The following TNFSF4 variants were observed in gnomAD, a reference collection of about 807,000 sequenced individuals.
TNFSF4 encodes tumor necrosis factor ligand superfamily member 4.
TNFSF4 carries 4 observed loss-of-function variants against 7.3 expected under a neutral mutation model. That is an observed-to-expected ratio of 0.55 (90% confidence interval 0.27 to 1.25). The LOEUF (loss-of-function observed/expected upper bound fraction) is 1.25. Among genes scored for constraint, TNFSF4 ranks in the 50% most tolerant of loss-of-function variants. The probability of loss-of-function intolerance (pLI) is 0.12; values close to 1 mark genes in which losing one functional copy is unlikely to be tolerated. For missense variants in TNFSF4, 181 were observed against 208.8 expected, an observed-to-expected ratio of 0.87 and a Z score of 0.82; for synonymous variants, 76 against 83.7, an observed-to-expected ratio of 0.91 and a Z score of 0.50.
the TNFSF4 span, among the ~76,000 whole-genome samples, chr1:173,220,102 G>C: frequency 4.6e-5 from 7 of 151,942 alleles, no homozygotes; most frequent in Admixed American, 2.6e-4. Context: ...CCAAAACAAA[G>C]GGATTTTATT....
the TNFSF4 span, among the ~76,000 whole-genome samples, chr1:173,389,206 G>T: frequency 1.8e-4 from 28 of 152,112 alleles, no homozygotes; most frequent in African/African-American, 6.8e-4. Flanking sequence ...TTACCTTCCA[G>T]ATATCACTGA....
chr1:173,217,129 G>C, the TNFSF4 span, among the ~76,000 whole-genome samples: 2 of 152,182 alleles, frequency 1.3e-5, no homozygotes, highest in Non-Finnish European at 2.9e-5. Context: ...ACAGACCATA[G>C]TCTGCCCTGT....
chr1:173,221,993 A>G, the TNFSF4 span, among the ~76,000 whole-genome samples: 5 of 152,226 alleles, frequency 3.3e-5, no homozygotes, highest in Admixed American at 2.0e-4. Context: ...CAAAGCAGGC[A>G]ATGTGCATGG....
chr1:173,258,090 G>A, the TNFSF4 span, among the ~76,000 whole-genome samples: 13 of 151,900 alleles, frequency 8.6e-5, no homozygotes, highest in African/African-American at 2.7e-4. Flanking sequence ...GTTATCTCCC[G>A]GGAACCAGGG....
At chr1:173,203,449 T>C (rs913142056) in intron 1 of TNFSF4, among the ~76,000 whole-genome samples, 1 of 152,230 alleles carries the variant, frequency 6.6e-6, no homozygotes, top group African/African-American at 2.4e-5. Flanking sequence ...GCAGGTCTAT[T>C]GTTAAAAAAG....
At chr1:173,282,734 G>A in the TNFSF4 span, among the ~76,000 whole-genome samples, 1 of 152,156 alleles carries the variant, frequency 6.6e-6, no homozygotes, top group African/African-American at 2.4e-5. Context: ...TGGGATTACA[G>A]GCGTGAGCTA....
chr1:173,435,949 T>C, the TNFSF4 span, among the ~76,000 whole-genome samples: 1 of 152,200 alleles, frequency 6.6e-6, no homozygotes, highest in Admixed American at 6.5e-5. Context: ...CAGGAAACAT[T>C]CTCAGAAGTA....
chr1:173,175,864 C>T, the TNFSF4 span, among the ~76,000 whole-genome samples: 2 of 152,168 alleles, frequency 1.3e-5, no homozygotes, highest in East Asian at 3.8e-4. Context: ...TTTGTTGGCG[C>T]ATACATGAGT....
the TNFSF4 span, among the ~76,000 whole-genome samples, chr1:173,408,515 C>A: frequency 6.6e-6 from 1 of 151,658 alleles, no homozygotes; most frequent in Admixed American, 6.6e-5. Context: ...GCTTGGCAAC[C>A]ATCATAATAG....
the TNFSF4 span, among the ~76,000 whole-genome samples, chr1:173,410,195 G>C: frequency 6.6e-6 from 1 of 152,050 alleles, no homozygotes; most frequent in African/African-American, 2.4e-5. Flanking sequence ...CAGCCTGGGT[G>C]ACAGAGTGTG....
chr1:173,327,860 GC>G, the TNFSF4 span, among the ~76,000 whole-genome samples: 2 of 152,056 alleles, frequency 1.3e-5, no homozygotes, highest in African/African-American at 2.4e-5. Flanking sequence ...AACAACAGGT[GC>G]TGGAGAGGAT....
intron 1 of TNFSF4, 46 bp downstream of exon 1, chr1:173,206,978 A>G (rs749477434): frequency 1.3e-6 from 2 of 1,546,198 alleles, no homozygotes; most frequent in Non-Finnish European, 1.8e-6. Context: ...TGCAGCTGCC[A>G]TCAGCATGAG....
chr1:173,384,534 C>G, the TNFSF4 span, among the ~76,000 whole-genome samples: 1 of 152,084 alleles, frequency 6.6e-6, no homozygotes, highest in African/African-American at 2.4e-5. Context: ...TGCCCTCCCC[C>G]ACCGCATGAT....
chr1:173,399,674 G>C, the TNFSF4 span, among the ~76,000 whole-genome samples: 2 of 151,894 alleles, frequency 1.3e-5, no homozygotes, highest in African/African-American at 4.8e-5. Context: ...GATCACAGCA[G>C]AGGGGTATTT....
chr1:173,319,562 G>C, the TNFSF4 span, among the ~76,000 whole-genome samples: 2 of 152,224 alleles, frequency 1.3e-5, no homozygotes, highest in Non-Finnish European at 2.9e-5. Flanking sequence ...TCCTGACTGG[G>C]AGAGAACACC....
At chr1:173,424,557 G>C in the TNFSF4 span, among the ~76,000 whole-genome samples, 1 of 152,198 alleles carries the variant, frequency 6.6e-6, no homozygotes, top group Non-Finnish European at 1.5e-5. Flanking sequence ...TGGAAGCAAT[G>C]CTGTTGATGC....
chr1:173,271,383 G>T, the TNFSF4 span, among the ~76,000 whole-genome samples: 3 of 152,026 alleles, frequency 2.0e-5, no homozygotes, highest in Non-Finnish European at 4.4e-5. Flanking sequence ...AGTTTTCCCA[G>T]TACCATTTAT....
chr1:173,443,636 C>T, the TNFSF4 span, among the ~76,000 whole-genome samples: 1 of 152,098 alleles, frequency 6.6e-6, no homozygotes, highest in Admixed American at 6.5e-5. Flanking sequence ...GCTCTTGACT[C>T]CAGGACCTCT....
the TNFSF4 span, among the ~76,000 whole-genome samples, chr1:173,404,984 A>C: frequency 2.0e-5 from 3 of 151,968 alleles, no homozygotes; most frequent in Admixed American, 2.0e-4. Context: ...CAAAACCCCT[A>C]TCCATTTTAC....
Sources: allele counts gnomAD v4.1 joint callset (sites outside exome capture counted in the v4.1 genomes callset), GRCh38; gene constraint gnomAD v4.1.1; transcripts MANE v1.5; gene names NCBI Gene and HGNC (gene_info 2026-07-23, HGNC 2026-07-21).